The following SUPT3H variants were observed in gnomAD, a reference collection of about 807,000 sequenced individuals.
SUPT3H encodes transcription initiation protein SPT3 homolog.
SUPT3H carries 44 observed loss-of-function variants against 44.3 expected under a neutral mutation model. The ratio of observed to expected loss-of-function variants is 0.99; its 90% CI spans 0.78 to 1.28. The LOEUF (loss-of-function observed/expected upper bound fraction) is 1.28. SUPT3H is among the 50% of genes most tolerant of loss of function. The pLI, the probability that SUPT3H is intolerant of heterozygous loss-of-function variation, is 0.00. For synonymous variants in SUPT3H, 124 were observed against 125.6 expected, an observed-to-expected ratio of 0.99 and a Z score of 0.09; for missense variants, 380 against 387.1, an observed-to-expected ratio of 0.98 and a Z score of 0.15.
intron 10 of SUPT3H, among the ~76,000 whole-genome samples, chr6:44,925,491 A>C (rs926883954): frequency 1.1e-4 from 17 of 152,212 alleles, no homozygotes; most frequent in Admixed American, 6.5e-5. Flanking sequence ...GGAGAAACTA[A>C]AATAGATTTA....
chr6:44,881,164 C>G (rs879315410), intron 10 of SUPT3H, among the ~76,000 whole-genome samples: 14 of 151,800 alleles, frequency 9.2e-5, no homozygotes, highest in Non-Finnish European at 1.6e-4. Flanking sequence ...TGCAAAGACA[C>G]AAAAAGGCTC....
chr6:45,334,694 C>T (rs1788202935), intron 2 of SUPT3H, among the ~76,000 whole-genome samples: 1 of 151,030 alleles, frequency 6.6e-6, no homozygotes, highest in Non-Finnish European at 1.5e-5. Context: ...ATGGCATATA[C>T]ACATGCATGA....
intron 2 of SUPT3H, among the ~76,000 whole-genome samples, chr6:45,145,298 T>G (rs1003674776): frequency 3.9e-5 from 6 of 152,072 alleles, no homozygotes; most frequent in African/African-American, 1.2e-4. Flanking sequence ...CGAAACAACA[T>G]GGTACTGCTA....
intron 2 of SUPT3H, among the ~76,000 whole-genome samples, chr6:45,251,462 A>C (rs1772365564): frequency 1.3e-5 from 2 of 151,850 alleles, no homozygotes; most frequent in African/African-American, 2.4e-5. Flanking sequence ...AAGCCAAAGT[A>C]AGACTGAAAA....
chr6:44,836,634 A>C (rs1769959883), intron 10 of SUPT3H, among the ~76,000 whole-genome samples: 1 of 152,178 alleles, frequency 6.6e-6, no homozygotes. Flanking sequence ...TTGTTTTGGC[A>C]GTCTGAATAC....
chr6:45,290,315 A>G (rs1780104129), intron 2 of SUPT3H, among the ~76,000 whole-genome samples: 1 of 152,230 alleles, frequency 6.6e-6, no homozygotes, highest in Non-Finnish European at 1.5e-5. Context: ...GACTTAACAT[A>G]TAACTACCTT....
intron 2 of SUPT3H, among the ~76,000 whole-genome samples, chr6:45,330,070 A>G (rs149707053): frequency 1.3e-5 from 2 of 151,994 alleles, no homozygotes; most frequent in East Asian, 3.9e-4. Flanking sequence ...CTGAAGGGAG[A>G]AAAAATGGTT....
rs185020856 is a variant in SUPT3H at position 45,301,561 on chromosome 6, T to C, written c.101+63640A>G. 1.9e-4 allele frequency among the ~76,000 whole-genome samples: 29 copies of C among 152,270 alleles called. No homozygotes were observed. In the East Asian group the frequency reaches 5.6e-3, roughly 29 times the overall value. Reference sequence around the variant, plus strand: ...TCAGTTCTCCCTCCTGGCAATCTCCTAGTTAATGTTACATCACCTTACAGA... The same window carrying C: ...TCAGTTCTCCCTCCTGGCAATCTCCCAGTTAATGTTACATCACCTTACAGA... On this transcript the variant is annotated intron_variant, in intron 2 of 10. Coordinates refer to ENST00000371459, the MANE Select transcript of SUPT3H (RefSeq NM_003599.4).
intron 3 of SUPT3H, among the ~76,000 whole-genome samples, chr6:45,102,907 C>A (rs1272774687): frequency 6.6e-6 from 1 of 151,512 alleles, no homozygotes; most frequent in East Asian, 1.9e-4. Flanking sequence ...CCTCTGCACT[C>A]CAACCTGGAC....
chr6:44,963,774 T>C (rs1044481235), intron 6 of SUPT3H, among the ~76,000 whole-genome samples: 1 of 151,534 alleles, frequency 6.6e-6, no homozygotes. Flanking sequence ...CTGAGGCGGG[T>C]GGATCATGAG....
chr6:45,234,568 C>A (rs762492593), intron 2 of SUPT3H, among the ~76,000 whole-genome samples: 49 of 145,924 alleles, frequency 3.4e-4, no homozygotes, highest in Admixed American at 8.8e-4. Flanking sequence ...AAAAGAAATA[C>A]ATATATATAT....
At chr6:45,318,265 GAGA>G (rs1249398837) in intron 2 of SUPT3H, among the ~76,000 whole-genome samples, 1 of 152,136 alleles carries the variant, frequency 6.6e-6, no homozygotes, top group African/African-American at 2.4e-5. Context: ...ATTGTGGAGA[GAGA>G]AGGATAGGAG....
At position 45,280,972 on chromosome 6, in the gene SUPT3H, GA is replaced by G. The variant is rs1158072419; in HGVS notation, c.101+84228del. On this transcript the variant is annotated intron_variant, in intron 2 of 10. Coordinates refer to ENST00000371459, the MANE Select transcript of SUPT3H (RefSeq NM_003599.4). The stretch of plus-strand genomic sequence containing the variant: ...AAAATAGCTAACAAAAATAAAGGGG[GA>G]AAACTGCACTTCGATGTAACCAGAT... Among the ~76,000 whole-genome samples the G allele has an allele frequency of 6.6e-5, 10 of 152,264 alleles. No homozygotes were observed. In the East Asian group the frequency reaches 1.2e-3, roughly 18 times the overall value.
At chr6:44,825,676 A>G (rs1051067496), downstream of SUPT3H, among the ~76,000 whole-genome samples, 5 of 152,168 alleles carry the variant, frequency 3.3e-5, no homozygotes, top group Non-Finnish European at 5.9e-5. Context: ...TGTAATTATT[A>G]TGTCATAGCT....
At chr6:45,275,663 G>A (rs775107831) in intron 2 of SUPT3H, among the ~76,000 whole-genome samples, 4 of 152,134 alleles carry the variant, frequency 2.6e-5, no homozygotes, top group Admixed American at 1.3e-4. Context: ...TTAATAGTAT[G>A]ATAAAACATA....
intron 2 of SUPT3H, among the ~76,000 whole-genome samples, chr6:45,172,780 T>C (rs1218606273): frequency 6.6e-6 from 1 of 151,878 alleles, no homozygotes; most frequent in Non-Finnish European, 1.5e-5. Flanking sequence ...TTATTGGAGA[T>C]GCGGTTTCAC....
intron 2 of SUPT3H, among the ~76,000 whole-genome samples, chr6:45,209,090 C>A (rs1313263431): frequency 6.6e-6 from 1 of 152,192 alleles, no homozygotes; most frequent in African/African-American, 2.4e-5. Flanking sequence ...TTGAGACCTA[C>A]TACTCAGAAA....
chr6:44,961,341 G>A (rs1216422231), intron 7 of SUPT3H, among the ~76,000 whole-genome samples: 2 of 152,084 alleles, frequency 1.3e-5, no homozygotes, highest in Non-Finnish European at 2.9e-5. Flanking sequence ...TATACATAAA[G>A]GAAAATAATT....
intron 2 of SUPT3H, among the ~76,000 whole-genome samples, chr6:45,294,899 G>A (rs942103644): frequency 2.6e-5 from 4 of 151,808 alleles, no homozygotes; most frequent in Non-Finnish European, 5.9e-5. Flanking sequence ...GAATCAATAT[G>A]GTGAAAATGA....
Sources: allele counts gnomAD v4.1 joint callset (sites outside exome capture counted in the v4.1 genomes callset), GRCh38; gene constraint gnomAD v4.1.1; transcripts MANE v1.5; gene names NCBI Gene and HGNC (gene_info 2026-07-23, HGNC 2026-07-21).